The following OR3A2 variants were observed in gnomAD, a reference collection of about 807,000 sequenced individuals.
OR3A2 encodes olfactory receptor 3A2.
For synonymous variants in OR3A2, 126 were observed against 159.3 expected, an observed-to-expected ratio of 0.79 and a Z score of 1.57; for missense variants, 318 against 392.8, an observed-to-expected ratio of 0.81 and a Z score of 1.61.
Position 3,278,109 on chromosome 17 carries a change from GC to G in OR3A2, c.808del (p.Ala270LeufsTer19). 6.2e-7 allele frequency: 1 copy of G among 1,614,216 alleles called. No individual in the cohort carries two copies. The highest frequency in any genetic ancestry group is 8.5e-7 in the Non-Finnish European group (1 of 1,180,036). ...TCCAACCCCTTTATCCTTGTCTGAA[GC>G]CTCCTCTGAACCCAGTCTCATGTAG... On this transcript the variant is annotated frameshift_variant, in exon 2 of 2. Coordinates refer to ENST00000642052, the Ensembl canonical transcript of OR3A2. LOFTEE classifies it low-confidence loss of function (END_TRUNC).
At chr17:3,382,840 T>C (rs1455813727) in intron 2 of OR3A2, among the ~76,000 whole-genome samples, 1 of 152,224 alleles carries the variant, frequency 6.6e-6, no homozygotes, top group African/African-American at 2.4e-5. Context: ...ACTCCCACTT[T>C]GTTCATGCAG....
At chr17:3,328,190 C>A (rs1446012029) in intron 3 of OR3A2, among the ~76,000 whole-genome samples, 1 of 127,056 alleles carries the variant, frequency 7.9e-6, no homozygotes, top group Non-Finnish European at 1.6e-5. Context: ...TACCCATGAG[C>A]ATGGAATGTT....
At chr17:3,334,251 C>G (rs2049261513) in intron 3 of OR3A2, among the ~76,000 whole-genome samples, 1 of 152,146 alleles carries the variant, frequency 6.6e-6, no homozygotes, top group Non-Finnish European at 1.5e-5. Context: ...TTTAAGTGTA[C>G]AATTCAGTGG....
chr17:3,287,478 T>C (rs1216640688), upstream of OR3A2, among the ~76,000 whole-genome samples: 1 of 152,230 alleles, frequency 6.6e-6, no homozygotes, highest in African/African-American at 2.4e-5. Flanking sequence ...GAAAACATGT[T>C]TAATTTTTTA....
At chr17:3,347,710 T>C (rs1437635300) in intron 2 of OR3A2, among the ~76,000 whole-genome samples, 1 of 152,210 alleles carries the variant, frequency 6.6e-6, no homozygotes, top group Non-Finnish European at 1.5e-5. Context: ...AACATACGTG[T>C]GCATGTGTCT....
At chr17:3,332,458 G>T (rs1226750461) in intron 3 of OR3A2, among the ~76,000 whole-genome samples, 1 of 152,228 alleles carries the variant, frequency 6.6e-6, no homozygotes, top group Admixed American at 6.5e-5. Flanking sequence ...GGAGTGACCT[G>T]ATTTTCCAGG....
At position 3,366,854 on chromosome 17, in the gene OR3A2, C is replaced by T. The variant is rs12019077; in HGVS notation, c.-179+16950G>A. Among the ~76,000 whole-genome samples the T allele has an allele frequency of 8.9e-3, 1,348 of 152,286 alleles. 20 individuals carry two copies. The highest frequency in any genetic ancestry group is 0.031 in the African/African-American group (1,286 of 41,552). ...TCCAGTAAACCCCTCCAGAGGCATA[C>T]AGTGTTTGTGCTTTCATTGCCAATG... On this transcript the variant is annotated intron_variant, in intron 2 of 4. Coordinates refer to the OR3A2 transcript ENST00000573491.
chr17:3,354,110 T>C (rs2049443370), intron 2 of OR3A2, among the ~76,000 whole-genome samples: 1 of 151,856 alleles, frequency 6.6e-6, no homozygotes, highest in African/African-American at 2.4e-5. Flanking sequence ...TCTGCACCAG[T>C]ATTCATCAGA....
intron 2 of OR3A2, among the ~76,000 whole-genome samples, chr17:3,366,530 G>A (rs1400033446): frequency 6.6e-6 from 1 of 152,142 alleles, no homozygotes; most frequent in African/African-American, 2.4e-5. Context: ...ACAGTTTCTT[G>A]TGAAAAGCTT....
intron 3 of OR3A2, among the ~76,000 whole-genome samples, chr17:3,322,894 G>C (rs573920599): frequency 6.6e-6 from 1 of 152,202 alleles, no homozygotes; most frequent in East Asian, 1.9e-4. Context: ...AGGTCCGTTT[G>C]GTGCAGAGCT....
At chr17:3,313,108 C>T (rs757166805) in intron 3 of OR3A2, among the ~76,000 whole-genome samples, 7 of 152,150 alleles carry the variant, frequency 4.6e-5, no homozygotes, top group Non-Finnish European at 5.9e-5. Flanking sequence ...AGTGAAATTA[C>T]GGCAATCCAG....
rs772269330 is a variant in OR3A2, at chr17:3,279,941, G to A, written c.-6-1018C>T. 7.2e-5 allele frequency among the ~76,000 whole-genome samples: 11 copies of A among 152,202 alleles called. No individual in the cohort carries two copies. In the South Asian group the frequency reaches 1.5e-3, roughly 20 times the overall value. On this transcript the variant is annotated intron_variant, in intron 1 of 1. Coordinates refer to ENST00000642052, the Ensembl canonical transcript of OR3A2. ...GCCAAGTACATTTCTTCAAGGTGAGGGACCACACTCTGAAGTATCAACTCA... is the reference window on the plus strand; with the variant it reads ...GCCAAGTACATTTCTTCAAGGTGAGAGACCACACTCTGAAGTATCAACTCA...
chr17:3,321,748 T>A (rs2049124284), intron 3 of OR3A2, among the ~76,000 whole-genome samples: 1 of 151,560 alleles, frequency 6.6e-6, no homozygotes, highest in South Asian at 2.1e-4. Flanking sequence ...TCATGGTGGA[T>A]AAGCTTTTTG....
chr17:3,366,858 G>C (rs1441741638), intron 2 of OR3A2, among the ~76,000 whole-genome samples: 2 of 152,176 alleles, frequency 1.3e-5, no homozygotes, highest in Admixed American at 6.5e-5. Flanking sequence ...GGCATACAGT[G>C]TTTGTGCTTT....
chr17:3,310,062 A>G, intron 3 of OR3A2: 1 of 252,596 alleles, frequency 4.0e-6, no homozygotes, highest in Non-Finnish European at 7.9e-6. Flanking sequence ...ACATCAATTC[A>G]TGGATCTCTG....
chr17:3,386,300 C>A, upstream of OR3A2: 1 of 398,448 alleles, frequency 2.5e-6, no homozygotes, highest in Non-Finnish European at 4.4e-6. Context: ...GACCGCCCGA[C>A]GGCGGCGTGC....
chr17:3,311,403 GAGCTGTGAAGTCC>G lies in OR3A2; in HGVS notation c.-85+24617_-85+24629del, dbSNP rs1239170891. ...AGCTTCTCACCAACAGCACTCGCAT[GAGCTGTGAAGTCC>G]AGGGTGCCCTGGTGGGAATTTGCTG... is the stretch of plus-strand genomic sequence containing the variant. On this transcript the variant is annotated intron_variant, in intron 3 of 4. Transcript: ENST00000573491. This position sits in a 1 kb window ranked among gnomAD's most constrained non-coding sequence, Gnocchi z 4.6. The G allele has an allele frequency of 1.6e-5, 8 of 501,246 alleles. No individual in the cohort carries two copies. The Middle Eastern group carries it at 1.2e-3, about 73-fold the overall frequency. 31.0% of individuals were successfully genotyped at this position (501,246 alleles called of 1,614,324 possible). A position where few individuals can be genotyped will look rare whatever the true frequency, so the allele number is the denominator to read the frequency against.
At chr17:3,355,438 CTCTCT>C (rs1163374860) in intron 2 of OR3A2, among the ~76,000 whole-genome samples, 16 of 118,154 alleles carry the variant, frequency 1.4e-4, no homozygotes, top group African/African-American at 5.1e-4. Flanking sequence ...TTCTCTCTCT[CTCTCT>C]CTCTCTCTCT....
chr17:3,378,661 G>A (rs371414628), intron 2 of OR3A2, among the ~76,000 whole-genome samples: 11 of 152,184 alleles, frequency 7.2e-5, no homozygotes, highest in East Asian at 3.9e-4. Flanking sequence ...TGGCATCCCC[G>A]CAGCAGCTGC....
Sources: gnomAD v4.1 joint callset for allele counts (sites outside exome capture counted in the v4.1 genomes callset) on GRCh38, gnomAD v4.1.1 for gene constraint, Gnocchi (gnomAD v3.1) non-coding constraint, MANE v1.5 for transcripts, NCBI Gene and HGNC (gene_info 2026-07-23, HGNC 2026-07-21) for gene names.